FOXP2: variants seen among roughly 807,000 people sequenced by gnomAD.
FOXP2 encodes forkhead box protein P2.
In FOXP2, 12 loss-of-function variants were observed where a neutral mutation model predicts 115.8. That is an observed-to-expected ratio of 0.10 (90% CI 0.07 to 0.17). The LOEUF is 0.17. FOXP2 is among the 10% of genes least tolerant of loss of function. The pLI is 1.00. For missense variants in FOXP2, 629 were observed against 843.5 expected (o/e 0.75, Z 3.15); for synonymous variants, 328 against 297.7 (o/e 1.10, Z -1.05).
chr7:114,390,925 A>C (rs1792581968), intron 2 of FOXP2, among the ~76,000 whole-genome samples: 1 of 152,056 alleles, frequency 6.6e-6, no homozygotes, highest in Non-Finnish European at 1.5e-5. Context: ...ACAGTGGCTC[A>C]TGTCTGTAAT....
intron 6 of FOXP2, among the ~76,000 whole-genome samples, chr7:114,641,532 G>C (rs1391276926): frequency 6.6e-6 from 1 of 152,004 alleles, no homozygotes; most frequent in Admixed American, 6.5e-5. Context: ...ATTAAATTTA[G>C]CTATTTAGTT....
rs142529871 is a variant in FOXP2, at chr7:114,107,557, A to G, written c.-247+19719A>G. On this transcript the variant is annotated intron_variant, in intron 1 of 19. Transcript: ENST00000635638. ...GGTTGGATAATTTAGTCAAAGAAGC[A>G]CAGTTCCCTTTCCTATTTGTCTGGA... Among the ~76,000 whole-genome samples, 388 of 152,054 alleles carry G rather than the reference A, an allele frequency of 2.6e-3. 4 individuals are homozygous for G. Among genetic ancestry groups the G allele is most frequent in the Non-Finnish European group, 2.0e-3 (134 of 67,906 alleles).
At chr7:114,648,148 TCTTA>T (rs1806024989) in intron 8 of FOXP2, among the ~76,000 whole-genome samples, 1 of 152,060 alleles carries the variant, frequency 6.6e-6, no homozygotes, top group Non-Finnish European at 1.5e-5. Flanking sequence ...AAAATTATGC[TCTTA>T]CTTAATGTGT....
chr7:114,379,639 AC>A (rs1201528357), intron 2 of FOXP2, among the ~76,000 whole-genome samples: 1 of 152,032 alleles, frequency 6.6e-6, no homozygotes, highest in Non-Finnish European at 1.5e-5. Context: ...CATTTGAAAA[AC>A]CATTTGTAGT....
intron 2 of FOXP2, among the ~76,000 whole-genome samples, chr7:114,511,002 A>T (rs1270347912): frequency 6.6e-6 from 1 of 152,192 alleles, no homozygotes; most frequent in African/African-American, 2.4e-5. Context: ...TGGCATATAC[A>T]CACCATGGAA....
chr7:114,247,833 G>A (rs1023099535), intron 1 of FOXP2, among the ~76,000 whole-genome samples: 1 of 152,070 alleles, frequency 6.6e-6, no homozygotes, highest in Non-Finnish European at 1.5e-5. Flanking sequence ...AATATTTTTA[G>A]AAGTACCTGG....
At chr7:114,623,027 A>G (rs1204016292) in intron 3 of FOXP2, among the ~76,000 whole-genome samples, 1 of 151,908 alleles carries the variant, frequency 6.6e-6, no homozygotes, top group Non-Finnish European at 1.5e-5. Context: ...CCAAATGAGC[A>G]CTCAAGTATT....
At chr7:114,681,617 T>C (rs549581292) in intron 16 of FOXP2, among the ~76,000 whole-genome samples, 12 of 152,320 alleles carry the variant, frequency 7.9e-5, no homozygotes, top group Admixed American at 7.2e-4. Context: ...TACTTTGAAA[T>C]TTACTTTCTT....
chr7:114,406,047 T>A (rs911664360), intron 2 of FOXP2, among the ~76,000 whole-genome samples: 1 of 151,998 alleles, frequency 6.6e-6, no homozygotes, highest in South Asian at 2.1e-4. Context: ...GATATTTAGC[T>A]AGTCCACTTA....
chr7:114,272,319 C>G (rs760095245), intron 1 of FOXP2, among the ~76,000 whole-genome samples: 11 of 151,160 alleles, frequency 7.3e-5, no homozygotes, highest in Non-Finnish European at 1.5e-4. Flanking sequence ...ATTTGTGTTC[C>G]TGAGAGAGAT....
chr7:114,628,418 G>A (rs996574133), intron 3 of FOXP2, 122 bp from the exon 4 acceptor site: 63 of 1,329,582 alleles, frequency 4.7e-5, no homozygotes, highest in East Asian at 2.4e-4. Context: ...AAAATGTGAC[G>A]TAAAAATTAT....
intron 1 of FOXP2, among the ~76,000 whole-genome samples, chr7:114,228,002 C>A (rs907314771): frequency 6.6e-6 from 1 of 152,024 alleles, no homozygotes; most frequent in Non-Finnish European, 1.5e-5. Context: ...AATACCACTA[C>A]TTTGAAAGCA....
chr7:114,158,078 G>A (rs377638067), upstream of FOXP2, among the ~76,000 whole-genome samples: 3 of 152,216 alleles, frequency 2.0e-5, no homozygotes, highest in South Asian at 2.1e-4. Context: ...AGATACTTAA[G>A]AGTCAGTGGA....
At chr7:114,175,505 C>G (rs908588528) in intron 1 of FOXP2, among the ~76,000 whole-genome samples, 4 of 152,056 alleles carry the variant, frequency 2.6e-5, no homozygotes, top group Non-Finnish European at 4.4e-5. Flanking sequence ...GACCTAATGA[C>G]CATTTTCATT....
rs149498937 is a variant in FOXP2, at chr7:114,486,744, C to A, written c.169-47873C>A. On this transcript the variant is annotated intron_variant, in intron 2 of 16. Transcript: ENST00000350908. ...AAAATGAAGCCATGCAGGCCCCATG[C>A]AAGTTTGAAATCCATTAGGATAGCC... Among the ~76,000 whole-genome samples the A allele has an allele frequency of 3.4e-4, 52 of 152,314 alleles. No individual in the cohort carries two copies. In the East Asian group the frequency reaches 8.3e-3, roughly 24 times the overall value.
chr7:114,635,663 T>C (rs986922485), intron 6 of FOXP2, among the ~76,000 whole-genome samples: 1 of 152,192 alleles, frequency 6.6e-6, no homozygotes, highest in African/African-American at 2.4e-5. Context: ...CATAACTCTA[T>C]AATTCTTGTA....
At chr7:114,305,836 T>C (rs1425413424) in intron 2 of FOXP2, among the ~76,000 whole-genome samples, 1 of 152,128 alleles carries the variant, frequency 6.6e-6, no homozygotes, top group East Asian at 1.9e-4. Context: ...TAGGTACTGC[T>C]ATTCCCATTT....
At chr7:114,487,127 T>A (rs774224824) in intron 2 of FOXP2, among the ~76,000 whole-genome samples, 4 of 152,192 alleles carry the variant, frequency 2.6e-5, no homozygotes, top group Non-Finnish European at 4.4e-5. Context: ...AAAGCAAACT[T>A]CTGCCTGGAC....
chr7:114,551,354 C>A (rs1325850191), intron 3 of FOXP2, among the ~76,000 whole-genome samples: 1 of 152,058 alleles, frequency 6.6e-6, no homozygotes, highest in African/African-American at 2.4e-5. Flanking sequence ...AGAATAATAA[C>A]CATTCTTCTA....
Sources: gnomAD v4.1 joint callset for allele counts (sites outside exome capture counted in the v4.1 genomes callset) on GRCh38, gnomAD v4.1.1 for gene constraint, MANE v1.5 for transcripts, NCBI Gene and HGNC (gene_info 2026-07-23, HGNC 2026-07-21) for gene names.